STAG1: variants seen among roughly 807,000 people sequenced by gnomAD.
The protein encoded by STAG1 is STAG1 cohesin complex component.
Under a neutral mutation model 170.9 loss-of-function variants are expected in STAG1, and 26 were observed. That is an observed-to-expected ratio of 0.15 (90% CI 0.11 to 0.21). The LOEUF is 0.21. Among genes scored for constraint, STAG1 ranks in the 10% least tolerant of loss-of-function variants. The pLI is 1.00. For synonymous variants in STAG1, 514 were observed against 497.7 expected (o/e 1.03, Z -0.44); for missense variants, 964 against 1,509.5 (o/e 0.64, Z 5.99).
intron 9 of STAG1, among the ~76,000 whole-genome samples, chr3:136,486,276 T>G (rs563229514): frequency 6.6e-6 from 1 of 152,338 alleles, no homozygotes; most frequent in Non-Finnish European, 1.5e-5. Flanking sequence ...CATTATTAGA[T>G]ATTTAAAAAT....
Position 136,654,709 on chromosome 3 carries a change from T to A in STAG1, c.-83-23728A>T, listed in dbSNP as rs764085265. Among the ~76,000 whole-genome samples, 10 of 152,168 alleles carry A rather than the reference T, an allele frequency of 6.6e-5. 1 individual carries two copies. The highest frequency in any genetic ancestry group is 1.5e-5 in the Non-Finnish European group (1 of 68,008). ...ATTTGAGGAACAAGATACTGAATCT[T>A]GAAGAACAAAGCTGGAAGACTCACA... On this transcript the variant is annotated intron_variant, in intron 1 of 33. Transcript: ENST00000383202.
At chr3:136,641,030 G>A (rs1267541567) in intron 1 of STAG1, among the ~76,000 whole-genome samples, 1 of 152,164 alleles carries the variant, frequency 6.6e-6, no homozygotes, top group South Asian at 2.1e-4. Flanking sequence ...CTTGAACACT[G>A]CTATAATTAG....
intron 1 of STAG1, among the ~76,000 whole-genome samples, chr3:136,697,039 G>A (rs934537874): frequency 6.6e-6 from 1 of 152,174 alleles, no homozygotes; most frequent in Non-Finnish European, 1.5e-5. Context: ...AGGAACGTTT[G>A]TTGTCTTTAA....
At chr3:136,618,422 G>GC (rs1939693764) in intron 3 of STAG1, among the ~76,000 whole-genome samples, 2 of 152,132 alleles carry the variant, frequency 1.3e-5, no homozygotes, top group Admixed American at 1.3e-4. Flanking sequence ...GAAGTACCTT[G>GC]CCTTGCTGAG....
At chr3:136,529,608 A>C (rs1199144457) in intron 6 of STAG1, among the ~76,000 whole-genome samples, 1 of 152,206 alleles carries the variant, frequency 6.6e-6, no homozygotes, top group Non-Finnish European at 1.5e-5. Flanking sequence ...AGCTAAGGAA[A>C]TCCATCACCA....
chr3:136,642,002 G>T (rs1295330618), intron 1 of STAG1, among the ~76,000 whole-genome samples: 1 of 152,046 alleles, frequency 6.6e-6, no homozygotes, highest in African/African-American at 2.4e-5. Flanking sequence ...AGAAAAAGAG[G>T]TGAGGTACTT....
At chr3:136,689,306 C>G (rs1347679607) in intron 1 of STAG1, among the ~76,000 whole-genome samples, 3 of 152,206 alleles carry the variant, frequency 2.0e-5, no homozygotes, top group African/African-American at 7.2e-5. Flanking sequence ...AAATTACAAT[C>G]TCCAGGAAGA....
At chr3:136,452,219 A>G (rs2088964297) in intron 13 of STAG1, 72 bp from the exon 14 acceptor site, 6 of 918,714 alleles carry the variant, frequency 6.5e-6, no homozygotes, top group South Asian at 2.7e-5. Context: ...CACACAAATC[A>G]TTTCAGTGTT....
At chr3:136,668,395 T>TAAA (rs1941877053) in intron 1 of STAG1, among the ~76,000 whole-genome samples, 6 of 146,176 alleles carry the variant, frequency 4.1e-5, no homozygotes, top group Non-Finnish European at 7.5e-5. Context: ...ATATAAAATA[T>TAAA]ATATTATGTA....
At chr3:136,577,263 TGAA>T (rs1020660540) in intron 4 of STAG1, among the ~76,000 whole-genome samples, 5 of 152,202 alleles carry the variant, frequency 3.3e-5, no homozygotes, top group Admixed American at 2.0e-4. Flanking sequence ...AGAACTTCCA[TGAA>T]GAATCCTAGA....
At chr3:136,625,478 G>C (rs977712600) in intron 2 of STAG1, among the ~76,000 whole-genome samples, 1 of 152,090 alleles carries the variant, frequency 6.6e-6, no homozygotes. Flanking sequence ...ATCTAAAATT[G>C]AATCCAATCC....
intron 6 of STAG1, among the ~76,000 whole-genome samples, chr3:136,538,543 C>T (rs1159454764): frequency 2.0e-5 from 3 of 151,910 alleles, no homozygotes; most frequent in Non-Finnish European, 2.9e-5. Flanking sequence ...GTCAGCCACT[C>T]CAGTAATTGA....
At chr3:136,480,752 C>T in intron 9 of STAG1, among the ~76,000 whole-genome samples, 1 of 72,508 alleles carries the variant, frequency 1.4e-5, no homozygotes, top group Non-Finnish European at 3.1e-5. Context: ...TCTGTTATTT[C>T]CTTGAGCAGT....
At chr3:136,568,685 C>A (rs537844408) in intron 5 of STAG1, 80 bp downstream of exon 5, 10 of 903,688 alleles carry the variant, frequency 1.1e-5, no homozygotes, top group East Asian at 2.5e-5. Flanking sequence ...AAATTATATA[C>A]GACTAGTGGC....
At chr3:136,710,999 T>C (rs1180973819) in intron 1 of STAG1, among the ~76,000 whole-genome samples, 1 of 151,784 alleles carries the variant, frequency 6.6e-6, no homozygotes, top group Non-Finnish European at 1.5e-5. Flanking sequence ...CACAAAAACC[T>C]TTGCTATAAA....
intron 1 of STAG1, among the ~76,000 whole-genome samples, chr3:136,731,205 C>G (rs73863917): frequency 0.029 from 4,478 of 152,096 alleles, 208 homozygotes; most frequent in African/African-American, 0.1. Flanking sequence ...CTTCAACAAA[C>G]CACCTCAAGG....
chr3:136,526,195 G>C (rs980208146), intron 6 of STAG1, among the ~76,000 whole-genome samples: 1 of 152,146 alleles, frequency 6.6e-6, no homozygotes, highest in Non-Finnish European at 1.5e-5. Flanking sequence ...TGACAGTGGG[G>C]TGTTAAAGCC....
At chr3:136,525,524 T>G (rs1317009025) in intron 6 of STAG1, among the ~76,000 whole-genome samples, 1 of 152,152 alleles carries the variant, frequency 6.6e-6, no homozygotes, top group African/African-American at 2.4e-5. Flanking sequence ...CTATCAATGT[T>G]GTTGATCTTT....
At chr3:136,745,747 T>A (rs1934904393) in intron 1 of STAG1, among the ~76,000 whole-genome samples, 1 of 152,182 alleles carries the variant, frequency 6.6e-6, no homozygotes, top group South Asian at 2.1e-4. Context: ...AGGTATCCAA[T>A]CTTTTGGCTT....
Sources: allele counts gnomAD v4.1 joint callset (sites outside exome capture counted in the v4.1 genomes callset), GRCh38; gene constraint gnomAD v4.1.1; transcripts MANE v1.5; gene names NCBI Gene and HGNC (gene_info 2026-07-23, HGNC 2026-07-21).